The following ADD3 variants were observed in gnomAD, a reference collection of about 807,000 sequenced individuals.
ADD3 encodes gamma-adducin.
In ADD3, 25 loss-of-function variants were observed where a neutral mutation model predicts 80.2. The observed-to-expected ratio is 0.31, with a 90% CI of 0.23 to 0.44. The LOEUF is 0.44. Among genes scored for constraint, ADD3 ranks in the 20% least tolerant of loss-of-function variants. The probability of loss-of-function intolerance (pLI) is 1.00; values close to 1 mark genes in which losing one functional copy is unlikely to be tolerated. For missense variants in ADD3, 829 were observed against 847.5 expected, an observed-to-expected ratio of 0.98 and a Z score of 0.27; for synonymous variants, 284 against 289.6, an observed-to-expected ratio of 0.98 and a Z score of 0.20.
At position 110,132,332 on chromosome 10, in the gene ADD3, A is replaced by T. The variant is rs145303833; in HGVS notation, c.1760A>T (p.Asp587Val). ...EDAEQELLSD[D>V]ASSVSQIQSQ... ...GCTGAGCAGGAATTACTCTCAGATG[A>T]CGCTTCATCTGTTTCACAAATTCAG... The change falls in exon 14 of 15, where the codon GAC becomes GTC. Residue 587 changes from aspartate to valine, a missense_variant. By Grantham distance (152) the Asp-to-Val change is radical (BLOSUM62 -3). Coordinates refer to ENST00000356080, the MANE Select transcript of ADD3 (RefSeq NM_016824.5). The T allele has an allele frequency of 6.2e-7, 1 of 1,613,618 alleles. No homozygotes were observed. The highest frequency in any genetic ancestry group is 1.7e-5 in the Admixed American group (1 of 59,932).
chr10:110,097,028 A>G (rs1186534189), intron 1 of ADD3, among the ~76,000 whole-genome samples: 3 of 152,228 alleles, frequency 2.0e-5, no homozygotes, highest in Admixed American at 2.0e-4. Flanking sequence ...TATTTTTCTC[A>G]GTCTGTGAAC....
At chr10:110,078,339 C>T (rs1236832612) in intron 1 of ADD3, among the ~76,000 whole-genome samples, 2 of 152,158 alleles carry the variant, frequency 1.3e-5, no homozygotes, top group African/African-American at 2.4e-5. Context: ...TGTAAAGACA[C>T]ATGACTATCC....
chr10:110,000,447 A>T (rs981570861), intron 1 of ADD3, among the ~76,000 whole-genome samples: 6 of 152,228 alleles, frequency 3.9e-5, no homozygotes, highest in Non-Finnish European at 7.3e-5. Flanking sequence ...TAGTGTGCTG[A>T]CGCAACCTGT....
rs1429439474 is a variant in ADD3 at position 110,125,848 on chromosome 10, C to G, written c.1424C>G (p.Ser475Cys). The G allele has an allele frequency of 6.2e-7, 1 of 1,604,792 alleles. No homozygotes were observed. ...KITWMKAEDS[S>C]KVSGGTPIKI... ...TAGTGGATGAAAGCAGAAGACTCAT[C>G]TAAAGTTAGTGGTGGAACACCTATC... is the stretch of plus-strand genomic sequence containing the variant. Residue 475 changes from serine (S) to cysteine (C), a missense_variant, in exon 11 of 15, where the codon TCT becomes TGT. Ser to Cys is a moderately radical substitution (Grantham distance 112, BLOSUM62 -1). Transcript: ENST00000356080.
intron 6 of ADD3, 95 bp from the exon 7 acceptor site, chr10:110,119,116 G>A (rs1851144142): frequency 7.5e-6 from 10 of 1,336,884 alleles, no homozygotes; most frequent in African/African-American, 1.5e-5. Context: ...CAGTGAATAG[G>A]CCAGTGTTTT....
At chr10:110,017,727 G>A (rs981953759) in intron 1 of ADD3, among the ~76,000 whole-genome samples, 17 of 152,112 alleles carry the variant, frequency 1.1e-4, no homozygotes, top group Admixed American at 4.6e-4. Flanking sequence ...AAGTTTTTGT[G>A]CATACCAAGT....
At chr10:110,106,621 G>A (rs756547715) in intron 2 of ADD3, among the ~76,000 whole-genome samples, 8 of 152,018 alleles carry the variant, frequency 5.3e-5, no homozygotes, top group East Asian at 1.9e-4. Flanking sequence ...TCACTCCCTC[G>A]ACATTGATAG....
At chr10:110,074,396 A>G (rs61625098) in intron 1 of ADD3, among the ~76,000 whole-genome samples, 28 of 152,140 alleles carry the variant, frequency 1.8e-4, no homozygotes, top group Non-Finnish European at 4.0e-4. Context: ...TCTTCTCTTC[A>G]TTGATCAAGC....
intron 3 of ADD3, among the ~76,000 whole-genome samples, chr10:110,113,210 C>T (rs7089507): frequency 0.066 from 9,998 of 152,100 alleles, 566 homozygotes; most frequent in African/African-American, 0.15. Context: ...CCCAGGAGTT[C>T]GAGACCAGCC....
intron 1 of ADD3, among the ~76,000 whole-genome samples, chr10:110,046,041 A>G (rs1806805790): frequency 6.6e-6 from 1 of 152,220 alleles, no homozygotes; most frequent in Admixed American, 6.5e-5. Context: ...GTAAACCTTG[A>G]ATAACACCAT....
At chr10:110,021,530 A>G (rs1853674069) in intron 1 of ADD3, among the ~76,000 whole-genome samples, 1 of 152,264 alleles carries the variant, frequency 6.6e-6, no homozygotes, top group South Asian at 2.1e-4. Flanking sequence ...TTATGCAGTC[A>G]TAAAAAGGAA....
chr10:110,080,090 A>G (rs1845899902), intron 1 of ADD3, among the ~76,000 whole-genome samples: 1 of 152,194 alleles, frequency 6.6e-6, no homozygotes, highest in Non-Finnish European at 1.5e-5. Flanking sequence ...ACTTCTATGT[A>G]TCAGACTAGG....
At chr10:110,039,630 C>A (rs1224705344) in intron 1 of ADD3, among the ~76,000 whole-genome samples, 1 of 152,208 alleles carries the variant, frequency 6.6e-6, no homozygotes, top group African/African-American at 2.4e-5. Context: ...TAACAAATTA[C>A]CCCCAAACTA....
At chr10:110,001,874 T>A (rs928465323), upstream of ADD3, among the ~76,000 whole-genome samples, 1 of 152,192 alleles carries the variant, frequency 6.6e-6, no homozygotes, top group Non-Finnish European at 1.5e-5. Context: ...ATACTAGAGA[T>A]TCGTAGCTGA....
At chr10:110,044,616 G>C (rs1856728373) in intron 1 of ADD3, among the ~76,000 whole-genome samples, 1 of 152,200 alleles carries the variant, frequency 6.6e-6, no homozygotes, top group Non-Finnish European at 1.5e-5. Flanking sequence ...TTCAGATACA[G>C]TTAGTGATGT....
chr10:110,027,954 G>A (rs1854504230), intron 1 of ADD3, among the ~76,000 whole-genome samples: 1 of 152,050 alleles, frequency 6.6e-6, no homozygotes, highest in Non-Finnish European at 1.5e-5. Flanking sequence ...GGTAGAAAAG[G>A]TTGTGGGGGG....
chr10:110,118,771 T>A, intron 6 of ADD3, 35 bp downstream of exon 6: 1 of 1,597,970 alleles, frequency 6.3e-7, no homozygotes, highest in Non-Finnish European at 8.6e-7. Context: ...GACAGGACGC[T>A]GGAAGATGTA....
intron 1 of ADD3, among the ~76,000 whole-genome samples, chr10:110,041,185 A>T (rs1000029788): frequency 9.9e-5 from 15 of 152,250 alleles, no homozygotes; most frequent in Non-Finnish European, 1.8e-4. Flanking sequence ...GTAGTTGAAC[A>T]TAGAGATCTG....
chr10:110,119,379 A>G (rs1410347684), intron 7 of ADD3, 25 bp downstream of exon 7: 1 of 1,613,042 alleles, frequency 6.2e-7, no homozygotes. Context: ...TTGTCTAAGG[A>G]GCTATTTTTG....
Sources: allele counts gnomAD v4.1 joint callset (sites outside exome capture counted in the v4.1 genomes callset), GRCh38; gene constraint gnomAD v4.1.1; transcripts MANE v1.5; gene names NCBI Gene and HGNC (gene_info 2026-07-23, HGNC 2026-07-21).